BLTP1: variants seen among roughly 807,000 people sequenced by gnomAD.
The protein encoded by BLTP1 is bridge-like lipid transfer protein family member 1.
chr4:122,280,288 C>G, the BLTP1 span: 11 of 552,668 alleles, frequency 2.0e-5, no homozygotes, highest in African/African-American at 4.1e-5. Context: ...ATTCCAGGAC[C>G]ATGTCAATCC....
At chr4:122,325,571 G>A in the BLTP1 span, 1 of 1,169,756 alleles carries the variant, frequency 8.5e-7, no homozygotes, top group African/African-American at 1.6e-5. Flanking sequence ...TTTCTCTTAA[G>A]TAGAAAGGTT....
chr4:122,289,405 T>C, the BLTP1 span: 1 of 749,064 alleles, frequency 1.3e-6, no homozygotes, highest in South Asian at 6.1e-5. Context: ...TTAAGATTCA[T>C]AAACTTCAGA....
chr4:122,346,912 A>C, the BLTP1 span: 1 of 1,360,066 alleles, frequency 7.4e-7, no homozygotes, highest in Admixed American at 2.6e-5. Flanking sequence ...TGCCAACCAC[A>C]AGGGATATAT....
At chr4:122,198,601 A>G in the BLTP1 span, among the ~76,000 whole-genome samples, 1 of 152,066 alleles carries the variant, frequency 6.6e-6, no homozygotes, top group African/African-American at 2.4e-5. Flanking sequence ...GAGTATATCT[A>G]TTATAAATGT....
the BLTP1 span, chr4:122,315,373 T>C: frequency 1.3e-6 from 2 of 1,522,654 alleles, no homozygotes; most frequent in Non-Finnish European, 1.8e-6. Context: ...AAGACATTAG[T>C]TATTATATGT....
At chr4:122,327,675 A>G in the BLTP1 span, among the ~76,000 whole-genome samples, 1 of 150,424 alleles carries the variant, frequency 6.6e-6, no homozygotes, top group African/African-American at 2.5e-5. Context: ...AAAAGCATCT[A>G]CTAGCATTTA....
At chr4:122,179,866 G>C in the BLTP1 span, 1 of 985,212 alleles carries the variant, frequency 1.0e-6, no homozygotes, top group Non-Finnish European at 1.2e-6. Context: ...GAGGCTACAT[G>C]CAAAGTATCC....
chr4:122,286,910 G>T, the BLTP1 span: 26 of 795,552 alleles, frequency 3.3e-5, no homozygotes, highest in East Asian at 7.0e-4. Flanking sequence ...TTTCACAGAA[G>T]AATTCTATAC....
chr4:122,347,501 G>T, the BLTP1 span: 6 of 1,591,068 alleles, frequency 3.8e-6, no homozygotes, highest in Admixed American at 7.2e-5. Context: ...TTTTTTGTTT[G>T]TTTTGTTTGT....
the BLTP1 span, among the ~76,000 whole-genome samples, chr4:122,202,307 T>C: frequency 1.2e-3 from 176 of 152,268 alleles, 1 homozygote; most frequent in African/African-American, 3.8e-3. Flanking sequence ...AAAAAAATTA[T>C]AGCTAAAACT....
At chr4:122,347,790 T>G in the BLTP1 span, 4 of 1,602,650 alleles carry the variant, frequency 2.5e-6, no homozygotes, top group Non-Finnish European at 2.6e-6. Context: ...GTAACACTGC[T>G]CTTTTTGTTA....
At chr4:122,334,363 C>T in the BLTP1 span, 18 of 1,589,510 alleles carry the variant, frequency 1.1e-5, 1 homozygote, top group South Asian at 6.6e-5. Flanking sequence ...AATTCCAAGA[C>T]GCTAAAGACT....
At chr4:122,356,133 A>G in the BLTP1 span, 364 of 617,090 alleles carry the variant, frequency 5.9e-4, 3 homozygotes, top group African/African-American at 5.8e-3. Flanking sequence ...CTTATCAGCT[A>G]TATGACCTCT....
At chr4:122,334,641 GAAAA>G in the BLTP1 span, 1 of 1,223,372 alleles carries the variant, frequency 8.2e-7, no homozygotes, top group Non-Finnish European at 1.1e-6. Flanking sequence ...ACATGTTTAA[GAAAA>G]AAGGACATAC....
chr4:122,289,409 C>G, the BLTP1 span: 1 of 763,554 alleles, frequency 1.3e-6, no homozygotes, highest in Non-Finnish European at 1.6e-6. Context: ...GATTCATAAA[C>G]TTCAGAAAGC....
the BLTP1 span, among the ~76,000 whole-genome samples, chr4:122,229,469 G>T: frequency 6.6e-6 from 1 of 152,032 alleles, no homozygotes; most frequent in African/African-American, 2.4e-5. Context: ...TGCTTTATGG[G>T]AAGGATATAA....
At chr4:122,230,026 C>T in the BLTP1 span, 1 of 1,614,096 alleles carries the variant, frequency 6.2e-7, no homozygotes, top group Non-Finnish European at 8.5e-7. Flanking sequence ...TGAGACAGTA[C>T]ATTGAGCAAT....
chr4:122,348,982 T>C, the BLTP1 span: 1 of 587,972 alleles, frequency 1.7e-6, no homozygotes, highest in East Asian at 3.0e-5. Context: ...GAGTAAAGCT[T>C]CATTATCAAT....
At chr4:122,242,632 A>G in the BLTP1 span, among the ~76,000 whole-genome samples, 3 of 152,154 alleles carry the variant, frequency 2.0e-5, no homozygotes, top group African/African-American at 7.2e-5. Flanking sequence ...AGTTTTTCCT[A>G]TAGTTTAATG....
Sources: gnomAD v4.1 joint callset for allele counts (sites outside exome capture counted in the v4.1 genomes callset) on GRCh38, gnomAD v4.1.1 for gene constraint, MANE v1.5 for transcripts, NCBI Gene and HGNC (gene_info 2026-07-23, HGNC 2026-07-21) for gene names.